The following ESRRG variants were observed in gnomAD, a reference collection of about 807,000 sequenced individuals.
ESRRG encodes the protein estrogen related receptor gamma.
Under a neutral mutation model 44.0 loss-of-function variants are expected in ESRRG, and 13 were observed. The observed-to-expected ratio is 0.30, with a 90% confidence interval of 0.19 to 0.47. The LOEUF is 0.47. ESRRG is among the 20% of genes least tolerant of loss of function. The pLI, the probability that ESRRG is intolerant of heterozygous loss-of-function variation, is 1.00. For synonymous variants in ESRRG, 215 were observed against 214.6 expected, an observed-to-expected ratio of 1.00 and a Z score of -0.02; for missense variants, 395 against 580.6, an observed-to-expected ratio of 0.68 and a Z score of 3.29.
chr1:216,800,699 C>T (rs1326207236), intron 2 of ESRRG, among the ~76,000 whole-genome samples: 3 of 152,078 alleles, frequency 2.0e-5, no homozygotes, highest in Non-Finnish European at 4.4e-5. Flanking sequence ...TGCATATGCT[C>T]ATAAAATTTA....
intron 1 of ESRRG, among the ~76,000 whole-genome samples, chr1:216,969,268 T>G (rs2071126723): frequency 6.6e-6 from 1 of 152,172 alleles, no homozygotes; most frequent in Non-Finnish European, 1.5e-5. Context: ...GAAAATCTGA[T>G]ATTAGTAACC....
chr1:216,541,561 A>AGTGTGTGTGTGTGTGT (rs34245595), intron 5 of ESRRG, among the ~76,000 whole-genome samples: 2 of 130,314 alleles, frequency 1.5e-5, no homozygotes, highest in African/African-American at 2.9e-5. Context: ...TCTTTTGGTT[A>AGTGTGTGTGTGTGTGT]GTGTGTGTGT....
chr1:216,854,853 T>G (rs1436893), intron 2 of ESRRG, among the ~76,000 whole-genome samples: 28 of 152,070 alleles, frequency 1.8e-4, no homozygotes, highest in African/African-American at 6.8e-4. Context: ...AAAATTGAGC[T>G]GAGGTAAGCA....
chr1:216,627,968 GA>G (rs1311624632), intron 3 of ESRRG, among the ~76,000 whole-genome samples: 1 of 152,106 alleles, frequency 6.6e-6, no homozygotes, highest in Non-Finnish European at 1.5e-5. Flanking sequence ...TGATTCTCTG[GA>G]AAACATATAT....
chr1:216,827,124 T>C (rs2095411410), intron 2 of ESRRG, among the ~76,000 whole-genome samples: 1 of 152,208 alleles, frequency 6.6e-6, no homozygotes, highest in South Asian at 2.1e-4. Flanking sequence ...GCTTTCTGTA[T>C]GTAATGGAAT....
In ESRRG at chr1:216,614,791, C is replaced by T. The variant is rs192908482; in HGVS notation, c.589+36182G>A. 5.9e-5 allele frequency among the ~76,000 whole-genome samples: 9 copies of T among 152,266 alleles called. No homozygotes were observed. In the East Asian group the frequency reaches 1.7e-3, roughly 29 times the overall value. On this transcript the variant is annotated intron_variant, in intron 3 of 6. Coordinates refer to ENST00000408911, the MANE Select transcript of ESRRG (RefSeq NM_001438.4). ...ATGAAACATATTTATACCGCATTTT[C>T]TGTTTAGCTGGTGCATTTAATAAGG...
intron 3 of ESRRG, among the ~76,000 whole-genome samples, chr1:216,631,878 G>A (rs2064262875): frequency 1.3e-5 from 2 of 152,126 alleles, no homozygotes; most frequent in Admixed American, 6.5e-5. Context: ...TTTGACAGTG[G>A]AAGAGGTGGG....
At chr1:216,803,179 G>T (rs557240168) in intron 2 of ESRRG, among the ~76,000 whole-genome samples, 2 of 152,184 alleles carry the variant, frequency 1.3e-5, no homozygotes, top group South Asian at 2.1e-4. Flanking sequence ...GGAACGGAAT[G>T]CTGGCACACT....
Position 217,129,306 on chromosome 1 carries a change from T to C in ESRRG, c.-230+8361A>G, listed in dbSNP as rs114136805. ...ACAGTGAATTACCACTTACACCCAC[T>C]AGTATGGCTATCAGAAATAAAAGGA... is the stretch of plus-strand genomic sequence containing the variant. On this transcript the variant is annotated intron_variant, in intron 1 of 8. Coordinates refer to the ESRRG transcript ENST00000366940. 6.2e-3 allele frequency among the ~76,000 whole-genome samples: 944 copies of C among 152,256 alleles called. 10 individuals carry two copies. The highest frequency in any genetic ancestry group is 0.022 in the African/African-American group (904 of 41,552).
chr1:216,629,824 A>G (rs927116083), intron 3 of ESRRG, among the ~76,000 whole-genome samples: 3 of 152,192 alleles, frequency 2.0e-5, no homozygotes, highest in Admixed American at 1.3e-4. Flanking sequence ...ATACCAAATC[A>G]TACCCACAGT....
At chr1:216,935,832 G>T (rs1422198472) in intron 2 of ESRRG, among the ~76,000 whole-genome samples, 2 of 152,006 alleles carry the variant, frequency 1.3e-5, no homozygotes, top group South Asian at 4.2e-4. Flanking sequence ...GGCCAGGCTG[G>T]TCTTGAACTC....
At chr1:216,823,708 T>C (rs1363716409) in intron 2 of ESRRG, among the ~76,000 whole-genome samples, 1 of 152,202 alleles carries the variant, frequency 6.6e-6, no homozygotes, top group Non-Finnish European at 1.5e-5. Flanking sequence ...ATCTTCTCAT[T>C]TCAGACTTAA....
At chr1:216,557,078 T>C (rs1037863054) in intron 5 of ESRRG, among the ~76,000 whole-genome samples, 1 of 152,148 alleles carries the variant, frequency 6.6e-6, no homozygotes, top group African/African-American at 2.4e-5. Context: ...CATCCAGTCT[T>C]AGCAACCAAT....
rs139298863 is a variant in ESRRG at position 216,562,041 on chromosome 1, A to G, written c.862+2178T>C. Among the ~76,000 whole-genome samples the G allele has an allele frequency of 8.5e-3, 1,296 of 152,312 alleles. 12 individuals carry two copies. The highest frequency in any genetic ancestry group is 0.017 in the Middle Eastern group (5 of 294). On this transcript the variant is annotated intron_variant, in intron 5 of 6. Coordinates refer to ENST00000408911, the MANE Select transcript of ESRRG (RefSeq NM_001438.4). Reference sequence around the variant, plus strand: ...AGTCCCTTTGTAAGCTGACATTTCTACTTGGATGCACAGTCGGACCTACAT... The same window carrying G: ...AGTCCCTTTGTAAGCTGACATTTCTGCTTGGATGCACAGTCGGACCTACAT...
At chr1:217,067,207 G>A (rs531509151) in intron 1 of ESRRG, among the ~76,000 whole-genome samples, 5 of 152,168 alleles carry the variant, frequency 3.3e-5, no homozygotes, top group Admixed American at 6.5e-5. Context: ...CCTTTACTGT[G>A]TACTGTGTCT....
At chr1:216,620,762 G>A (rs574815936) in intron 3 of ESRRG, among the ~76,000 whole-genome samples, 55 of 152,286 alleles carry the variant, frequency 3.6e-4, no homozygotes, top group Middle Eastern at 6.8e-3. Flanking sequence ...ATTGCTGATA[G>A]GTGGCAATAT....
intron 1 of ESRRG, among the ~76,000 whole-genome samples, chr1:216,699,281 C>T (rs2080917337): frequency 1.3e-5 from 2 of 152,186 alleles, no homozygotes; most frequent in East Asian, 1.9e-4. Context: ...GGCAAGAATG[C>T]TGTAAAAGTG....
chr1:216,859,405 T>C (rs1319603544), intron 2 of ESRRG, among the ~76,000 whole-genome samples: 1 of 152,152 alleles, frequency 6.6e-6, no homozygotes, highest in African/African-American at 2.4e-5. Flanking sequence ...TCAAGGCAAG[T>C]GTAGAATAGA....
intron 1 of ESRRG, among the ~76,000 whole-genome samples, chr1:217,104,400 A>G (rs944462211): frequency 2.0e-5 from 3 of 152,210 alleles, no homozygotes; most frequent in Admixed American, 6.5e-5. Flanking sequence ...GGAAAAACCC[A>G]TGAAGCCTGG....
Sources: allele counts gnomAD v4.1 joint callset (sites outside exome capture counted in the v4.1 genomes callset), GRCh38; gene constraint gnomAD v4.1.1; transcripts MANE v1.5; gene names NCBI Gene and HGNC (gene_info 2026-07-23, HGNC 2026-07-21).